PELI2: variants seen among roughly 807,000 people sequenced by gnomAD.
The protein encoded by PELI2 is E3 ubiquitin-protein ligase pellino homolog 2.
In PELI2, 23 loss-of-function variants were observed where a neutral mutation model predicts 42.3. The observed-to-expected ratio is 0.54, with a 90% CI of 0.39 to 0.77. The LOEUF (loss-of-function observed/expected upper bound fraction) is 0.77, where lower values mean the gene tolerates loss of function less well. Ranked by LOEUF, PELI2 falls within the 30% of genes least tolerant of loss-of-function variation. The pLI, the probability that PELI2 is intolerant of heterozygous loss-of-function variation, is 0.00. For synonymous variants in PELI2, 245 were observed against 212.2 expected, an observed-to-expected ratio of 1.15 and a Z score of -1.34; for missense variants, 463 against 553.2, an observed-to-expected ratio of 0.84 and a Z score of 1.64.
intron 2 of PELI2, among the ~76,000 whole-genome samples, chr14:56,267,373 A>G (rs79743525): frequency 0.017 from 2,519 of 152,240 alleles, 71 homozygotes; most frequent in African/African-American, 0.057. Flanking sequence ...GGTATGGCCT[A>G]AGAATACACA....
Position 56,172,308 on chromosome 14 carries a change from C to T in PELI2, c.78-6027C>T, listed in dbSNP as rs368807282. Among the ~76,000 whole-genome samples the T allele has an allele frequency of 2.6e-5, 4 of 152,300 alleles. No homozygotes were observed. The South Asian group carries it at 8.3e-4, about 32-fold the overall frequency. Reference sequence around the variant, plus strand: ...GGAAGGGTGGGCTCTGCTGGGACCGCTGAGCAGAGTGCCTACATGTGGCCT... The same window carrying T: ...GGAAGGGTGGGCTCTGCTGGGACCGTTGAGCAGAGTGCCTACATGTGGCCT... On this transcript the variant is annotated intron_variant, in intron 1 of 5. Coordinates refer to ENST00000267460, the MANE Select transcript of PELI2 (RefSeq NM_021255.3).
At chr14:56,193,147 A>G (rs1388972757) in intron 2 of PELI2, among the ~76,000 whole-genome samples, 1 of 152,196 alleles carries the variant, frequency 6.6e-6, no homozygotes, top group Non-Finnish European at 1.5e-5. Flanking sequence ...GGGTTAATCC[A>G]TCTTTGTTCT....
intron 2 of PELI2, among the ~76,000 whole-genome samples, chr14:56,191,655 C>T (rs2139688708): frequency 6.6e-6 from 1 of 152,316 alleles, no homozygotes; most frequent in East Asian, 1.9e-4. Context: ...CCTTCTGAGC[C>T]TGTGAGATTA....
chr14:56,192,755 A>G (rs1368436230), intron 2 of PELI2, among the ~76,000 whole-genome samples: 1 of 152,200 alleles, frequency 6.6e-6, no homozygotes. Flanking sequence ...ATTAGAATGA[A>G]TGAGTTAATA....
chr14:56,220,585 A>G (rs1004691010), intron 2 of PELI2, among the ~76,000 whole-genome samples: 2 of 152,204 alleles, frequency 1.3e-5, no homozygotes, highest in African/African-American at 4.8e-5. Context: ...GAGATGAAAC[A>G]ATCAGTATGT....
chr14:56,155,239 G>A (rs1884509901), intron 1 of PELI2, among the ~76,000 whole-genome samples: 2 of 122,514 alleles, frequency 1.6e-5, no homozygotes, highest in East Asian at 2.2e-4. Context: ...CAATCTGTTG[G>A]GTTTTTTTTT....
chr14:56,138,095 C>T (rs148717307), intron 1 of PELI2, among the ~76,000 whole-genome samples: 3 of 152,328 alleles, frequency 2.0e-5, no homozygotes, highest in East Asian at 1.9e-4. Context: ...TACCTCTCCC[C>T]AGCCCGCTCT....
intron 2 of PELI2, among the ~76,000 whole-genome samples, chr14:56,215,205 T>C (rs1055892269): frequency 5.3e-5 from 8 of 152,246 alleles, no homozygotes; most frequent in African/African-American, 1.9e-4. Context: ...AAACTTCTCT[T>C]TCCTATCTTC....
chr14:56,223,197 C>A (rs576703197), intron 2 of PELI2, among the ~76,000 whole-genome samples: 1 of 152,156 alleles, frequency 6.6e-6, no homozygotes, highest in Non-Finnish European at 1.5e-5. Flanking sequence ...ACCACCACTG[C>A]CGCTGCCAAG....
chr14:56,138,637 G>A (rs1257780609), intron 1 of PELI2, among the ~76,000 whole-genome samples: 1 of 152,176 alleles, frequency 6.6e-6, no homozygotes, highest in East Asian at 1.9e-4. Flanking sequence ...GATTAGTGAC[G>A]TGTGAATAAT....
At chr14:56,240,230 G>C (rs775478595) in intron 2 of PELI2, among the ~76,000 whole-genome samples, 2 of 152,166 alleles carry the variant, frequency 1.3e-5, no homozygotes, top group Non-Finnish European at 2.9e-5. Context: ...GGGAAGACTG[G>C]AGGGCAGGAG....
At chr14:56,260,690 T>A (rs1888681093) in intron 2 of PELI2, among the ~76,000 whole-genome samples, 1 of 152,240 alleles carries the variant, frequency 6.6e-6, no homozygotes, top group Non-Finnish European at 1.5e-5. Context: ...AATTTGACGA[T>A]TTGGTAATCC....
At chr14:56,227,912 G>T (rs989325077) in intron 2 of PELI2, among the ~76,000 whole-genome samples, 1 of 152,200 alleles carries the variant, frequency 6.6e-6, no homozygotes, top group Non-Finnish European at 1.5e-5. Context: ...TATAAGCACC[G>T]AAGTAAATTT....
chr14:56,290,519 T>C (rs1889795279), intron 5 of PELI2, 63 bp downstream of exon 5: 3 of 1,247,984 alleles, frequency 2.4e-6, no homozygotes, highest in Non-Finnish European at 3.3e-6. Context: ...TCGAAGGCTA[T>C]CATTTTCCTC....
chr14:56,244,592 C>T (rs187423215), intron 2 of PELI2, among the ~76,000 whole-genome samples: 1 of 152,258 alleles, frequency 6.6e-6, no homozygotes, highest in Admixed American at 6.5e-5. Flanking sequence ...AAGGAAGATG[C>T]CACTCTGCTA....
chr14:56,160,505 G>C (rs571641079), intron 1 of PELI2, among the ~76,000 whole-genome samples: 1 of 152,264 alleles, frequency 6.6e-6, no homozygotes, highest in South Asian at 2.1e-4. Context: ...GAGTGGTACT[G>C]TGTTTCTGAT....
At chr14:56,189,599 A>G (rs535767688) in intron 2 of PELI2, among the ~76,000 whole-genome samples, 1 of 152,330 alleles carries the variant, frequency 6.6e-6, no homozygotes, top group East Asian at 1.9e-4. Flanking sequence ...CAGTTGATTA[A>G]TGTTAGCTAA....
At chr14:56,228,938 A>G (rs1887459086) in intron 2 of PELI2, among the ~76,000 whole-genome samples, 2 of 152,232 alleles carry the variant, frequency 1.3e-5, no homozygotes, top group African/African-American at 4.8e-5. Context: ...CAAACAGCAC[A>G]CCAGGAGATT....
At chr14:56,246,496 C>G (rs1888165610) in intron 2 of PELI2, among the ~76,000 whole-genome samples, 1 of 152,180 alleles carries the variant, frequency 6.6e-6, no homozygotes, top group East Asian at 1.9e-4. Flanking sequence ...ATGTCCTTCT[C>G]CTTTCTGGCC....
Sources: gnomAD v4.1 joint callset for allele counts (sites outside exome capture counted in the v4.1 genomes callset) on GRCh38, gnomAD v4.1.1 for gene constraint, MANE v1.5 for transcripts, NCBI Gene and HGNC (gene_info 2026-07-23, HGNC 2026-07-21) for gene names.